Variants in ITPK1 observed in about 807,000 individuals in gnomAD.
The protein encoded by ITPK1 is inositol-tetrakisphosphate 1-kinase.
Under a neutral mutation model 45.3 loss-of-function variants are expected in ITPK1, and 21 were observed. The observed-to-expected ratio is 0.46, with a 90% CI of 0.33 to 0.67. The LOEUF is 0.67. ITPK1 is among the 30% of genes least tolerant of loss of function. The probability of loss-of-function intolerance (pLI) is 0.02; values close to 1 mark genes in which losing one functional copy is unlikely to be tolerated. For synonymous variants in ITPK1, 258 were observed against 253.6 expected (o/e 1.02, Z -0.16); for missense variants, 474 against 573.5 (o/e 0.83, Z 1.77).
At position 93,098,419 on chromosome 14, in the gene ITPK1, C is replaced by T. The variant is rs1383340904; in HGVS notation, c.95+16650G>A. Among the ~76,000 whole-genome samples, 563 of 150,198 alleles carry T rather than the reference C, an allele frequency of 3.7e-3. 2 individuals carry two copies. The highest frequency in any genetic ancestry group is 7.0e-3 in the Non-Finnish European group (468 of 67,296). ...TTGTAGTGAGCCGAGATCACGCTGC[C>T]GCACTCCAACCTGGGCGACAGAGCG... is the stretch of plus-strand genomic sequence containing the variant. On this transcript the variant is annotated intron_variant, in intron 2 of 10. Transcript: ENST00000267615.
In ITPK1 at chr14:92,940,587, T is replaced by G; in HGVS notation, c.*974A>C. The G allele has an allele frequency of 8.4e-7, 1 of 1,190,546 alleles. No homozygotes were observed. Among genetic ancestry groups the G allele is most frequent in the Non-Finnish European group, 1.1e-6 (1 of 941,862 alleles). The allele number at this position is 1,190,546 out of a possible 1,614,324, so 73.7% of individuals were successfully genotyped here. A position where few individuals can be genotyped will look rare whatever the true frequency, so the allele number is the denominator to read the frequency against. The stretch of plus-strand genomic sequence containing the variant: ...ACTGGGAAGAGGGCCCCGATCTCCA[T>G]GGTGTCATGCCGAGGCTCCCGCGCC... On this transcript the variant is annotated 3_prime_UTR_variant, in exon 11 of 11. Transcript: ENST00000267615.
chr14:93,045,599 G>A (rs1889740689), intron 3 of ITPK1, among the ~76,000 whole-genome samples: 1 of 152,118 alleles, frequency 6.6e-6, no homozygotes, highest in Non-Finnish European at 1.5e-5. Context: ...AGGCTGAAGT[G>A]CGCTATGATT....
intron 7 of ITPK1, among the ~76,000 whole-genome samples, chr14:92,959,365 A>C (rs1417414773): frequency 6.6e-6 from 1 of 152,234 alleles, no homozygotes; most frequent in East Asian, 1.9e-4. Flanking sequence ...CTGCCTCCCC[A>C]GCTGCCACCC....
chr14:93,076,491 G>C lies in ITPK1; in HGVS notation c.120+104C>G. The C allele has an allele frequency of 7.6e-7, 1 of 1,314,148 alleles. No homozygotes were observed. The highest frequency in any genetic ancestry group is 1.1e-6 in the Non-Finnish European group (1 of 918,022). The allele number at this position is 1,314,148 out of a possible 1,614,324, so 81.4% of individuals were successfully genotyped here. A position where few individuals can be genotyped will look rare whatever the true frequency, so the allele number is the denominator to read the frequency against. ...CTAAAAACAAGCTGCACGTGAAGAA[G>C]AGAGAAAGCCGTGCCCAATGCTGGA... On this transcript the variant is annotated intron_variant, in intron 3 of 10. Transcript: ENST00000267615. The surrounding 1 kb of genome is among the most constrained non-coding windows in gnomAD (Gnocchi z 4.3).
At chr14:92,962,137 C>A (rs533981532) in intron 7 of ITPK1, among the ~76,000 whole-genome samples, 2 of 152,346 alleles carry the variant, frequency 1.3e-5, no homozygotes, top group South Asian at 2.1e-4. Context: ...AGGGACAGGA[C>A]AGGCATTGAG....
At chr14:93,041,202 A>G (rs765267371) in intron 3 of ITPK1, among the ~76,000 whole-genome samples, 1 of 152,222 alleles carries the variant, frequency 6.6e-6, no homozygotes, top group Non-Finnish European at 1.5e-5. Flanking sequence ...CAAAGAGGCT[A>G]TAAGGCAAGG....
At chr14:93,037,218 C>T (rs558820741) in intron 3 of ITPK1, among the ~76,000 whole-genome samples, 1 of 152,352 alleles carries the variant, frequency 6.6e-6, no homozygotes, top group South Asian at 2.1e-4. Flanking sequence ...CTCCATGCCC[C>T]TTGCATGGTC....
chr14:93,081,408 C>G (rs1224291718), intron 2 of ITPK1, among the ~76,000 whole-genome samples: 1 of 151,886 alleles, frequency 6.6e-6, no homozygotes, highest in African/African-American at 2.4e-5. Context: ...AAATATTACA[C>G]TAATATATAA....
intron 3 of ITPK1, among the ~76,000 whole-genome samples, chr14:93,055,630 C>G (rs763275757): frequency 6.6e-5 from 10 of 152,186 alleles, no homozygotes; most frequent in Non-Finnish European, 1.5e-4. Flanking sequence ...CACTCACCTG[C>G]GCATGAGCTC....
intron 4 of ITPK1, among the ~76,000 whole-genome samples, chr14:93,009,638 C>A (rs1887794756): frequency 6.6e-6 from 1 of 152,196 alleles, no homozygotes; most frequent in South Asian, 2.1e-4. Context: ...TCGCCTATGA[C>A]CCAGGGCAGC....
intron 4 of ITPK1, among the ~76,000 whole-genome samples, chr14:92,998,130 G>C (rs1265120837): frequency 6.6e-6 from 1 of 152,186 alleles, no homozygotes; most frequent in Non-Finnish European, 1.5e-5. Flanking sequence ...ACTCATCCTG[G>C]GTAAGGTCCA....
chr14:93,004,719 T>A (rs1887526097), intron 4 of ITPK1, among the ~76,000 whole-genome samples: 1 of 151,702 alleles, frequency 6.6e-6, no homozygotes, highest in Non-Finnish European at 1.5e-5. Context: ...GTGGCGGCCA[T>A]GTGGCTGAGC....
chr14:93,097,416 A>G (rs530897156), intron 2 of ITPK1, among the ~76,000 whole-genome samples: 38 of 152,324 alleles, frequency 2.5e-4, no homozygotes, highest in African/African-American at 8.9e-4. Flanking sequence ...AGGCCAGGTC[A>G]TGCCCAGCGC....
At chr14:93,103,858 G>C (rs964027026) in intron 2 of ITPK1, among the ~76,000 whole-genome samples, 2 of 152,178 alleles carry the variant, frequency 1.3e-5, no homozygotes, top group Non-Finnish European at 2.9e-5. Context: ...TGCCACAGGA[G>C]GGTTCTCTCT....
chr14:92,982,282 C>T (rs971075713), intron 5 of ITPK1, among the ~76,000 whole-genome samples: 1 of 152,192 alleles, frequency 6.6e-6, no homozygotes. Context: ...CTCTGTGACT[C>T]GGTTCTGTTG....
intron 3 of ITPK1, among the ~76,000 whole-genome samples, chr14:93,052,283 C>T (rs1014689291): frequency 6.6e-6 from 1 of 152,148 alleles, no homozygotes; most frequent in African/African-American, 2.4e-5. Context: ...ATAAACCACT[C>T]CCAAATGTTA....
intron 2 of ITPK1, among the ~76,000 whole-genome samples, chr14:93,090,269 T>C (rs1322772029): frequency 6.6e-6 from 1 of 152,170 alleles, no homozygotes; most frequent in Non-Finnish European, 1.5e-5. Context: ...CTGCCCATGC[T>C]GTCCGCCCCT....
intron 5 of ITPK1, among the ~76,000 whole-genome samples, chr14:92,987,943 C>T (rs569846518): frequency 2.6e-5 from 4 of 152,328 alleles, no homozygotes; most frequent in Admixed American, 6.5e-5. Context: ...ATGCCGGCAA[C>T]GCACCTACCC....
chr14:93,097,734 C>A (rs1892138324), intron 2 of ITPK1, among the ~76,000 whole-genome samples: 1 of 152,250 alleles, frequency 6.6e-6, no homozygotes. Flanking sequence ...ATCGGCCAGG[C>A]ACAGTGATTC....
Sources: gnomAD v4.1 joint callset for allele counts (sites outside exome capture counted in the v4.1 genomes callset) on GRCh38, gnomAD v4.1.1 for gene constraint, Gnocchi (gnomAD v3.1) non-coding constraint, MANE v1.5 for transcripts, NCBI Gene and HGNC (gene_info 2026-07-23, HGNC 2026-07-21) for gene names.